The following XIRP2 variants were observed in gnomAD, a reference collection of about 807,000 sequenced individuals.
XIRP2 encodes xin actin-binding repeat-containing protein 2.
In XIRP2, 236 loss-of-function variants were observed where a neutral mutation model predicts 277.0. The observed-to-expected ratio is 0.85, with a 90% CI of 0.77 to 0.95. The LOEUF (loss-of-function observed/expected upper bound fraction) is 0.95. Among genes scored for constraint, XIRP2 ranks in the 40% least tolerant of loss-of-function variants. The pLI, the probability that XIRP2 is intolerant of heterozygous loss-of-function variation, is 0.00. For synonymous variants in XIRP2, 1,490 were observed against 1,416.5 expected (o/e 1.05, Z -1.17); for missense variants, 4,640 against 4,157.5 (o/e 1.12, Z -3.19).
intron 5 of XIRP2, among the ~76,000 whole-genome samples, chr2:167,230,956 A>T (rs1032187095): frequency 3.3e-5 from 5 of 152,072 alleles, no homozygotes; most frequent in Non-Finnish European, 7.4e-5. Flanking sequence ...CAGTCCTACC[A>T]CGCCAATCTC....
intron 2 of XIRP2, among the ~76,000 whole-genome samples, chr2:167,125,425 A>T (rs1691173432): frequency 6.6e-6 from 1 of 152,196 alleles, no homozygotes; most frequent in South Asian, 2.1e-4. Context: ...TGCAGAAGTT[A>T]AAAATACCAG....
intron 1 of XIRP2, among the ~76,000 whole-genome samples, chr2:166,901,901 A>G (rs1412137626): frequency 1.3e-5 from 2 of 151,986 alleles, no homozygotes; most frequent in African/African-American, 4.8e-5. Context: ...TCTTCCAAGC[A>G]CTCGCATCTA....
chr2:166,955,752 C>T (rs760400895), intron 2 of XIRP2, among the ~76,000 whole-genome samples: 8 of 151,306 alleles, frequency 5.3e-5, no homozygotes, highest in Non-Finnish European at 8.9e-5. Flanking sequence ...CTTTGTGCTT[C>T]GAATATTTTG....
chr2:167,000,117 AGT>A (rs767172229), intron 2 of XIRP2, among the ~76,000 whole-genome samples: 2 of 152,164 alleles, frequency 1.3e-5, no homozygotes, highest in Non-Finnish European at 2.9e-5. Context: ...TAAATATGGA[AGT>A]GTTTCAGTTA....
At chr2:167,095,758 ATTGGCCTGAAATTTCCTT>A (rs1179748343) in intron 2 of XIRP2, among the ~76,000 whole-genome samples, 1 of 138,386 alleles carries the variant, frequency 7.2e-6, no homozygotes, top group Non-Finnish European at 1.5e-5. Context: ...TCACCAGCAT[ATTGGCCTGAAATTTCCTT>A]TTTTGTTGTG....
intron 3 of XIRP2, among the ~76,000 whole-genome samples, chr2:167,190,064 G>A (rs1282463962): frequency 6.6e-6 from 1 of 152,194 alleles, no homozygotes; most frequent in Admixed American, 6.5e-5. Flanking sequence ...CAGACAGATG[G>A]AAGAGATGCA....
chr2:167,049,566 G>T (rs1161349182), intron 2 of XIRP2, among the ~76,000 whole-genome samples: 1 of 150,808 alleles, frequency 6.6e-6, no homozygotes, highest in African/African-American at 2.4e-5. Flanking sequence ...CCTCAGTTCA[G>T]AATCTATTGA....
intron 2 of XIRP2, among the ~76,000 whole-genome samples, chr2:166,962,994 C>G (rs553891777): frequency 6.6e-6 from 1 of 151,546 alleles, no homozygotes; most frequent in African/African-American, 2.4e-5. Context: ...TTTCAAATAG[C>G]TAGGAGGAGG....
chr2:167,034,533 T>C (rs907441177), intron 2 of XIRP2, among the ~76,000 whole-genome samples: 1 of 150,438 alleles, frequency 6.6e-6, no homozygotes, highest in South Asian at 2.1e-4. Flanking sequence ...AGTGATTTGT[T>C]GCCTTCAAGA....
At chr2:167,126,129 G>C (rs534450893) in intron 2 of XIRP2, among the ~76,000 whole-genome samples, 13 of 151,992 alleles carry the variant, frequency 8.6e-5, no homozygotes, top group Non-Finnish European at 1.6e-4. Flanking sequence ...AAGCTGCAAG[G>C]CTTCTTTCTT....
intron 2 of XIRP2, among the ~76,000 whole-genome samples, chr2:166,945,450 T>A (rs1574103576): frequency 6.6e-6 from 1 of 151,828 alleles, no homozygotes; most frequent in South Asian, 2.1e-4. Context: ...CTGTAAAAAG[T>A]AAATTGGCTC....
At chr2:167,000,848 T>A (rs1687347528) in intron 2 of XIRP2, among the ~76,000 whole-genome samples, 1 of 152,114 alleles carries the variant, frequency 6.6e-6, no homozygotes, top group South Asian at 2.1e-4. Flanking sequence ...CCTTCCCATA[T>A]CTTATTCAAA....
At position 166,970,280 on chromosome 2, in the gene XIRP2, G is replaced by C. The variant is rs534050745; in HGVS notation, c.408+66390G>C. ...TAAAATGATTTGACTTGCCATTTAG[G>C]AATGGGTTTTAACACAGTATTTCTT... On this transcript the variant is annotated intron_variant, in intron 2 of 10. Transcript: ENST00000409195. Among the ~76,000 whole-genome samples, 16 of 152,074 alleles carry C rather than the reference G, an allele frequency of 1.1e-4. No homozygotes were observed. The South Asian group carries it at 2.9e-3, about 28-fold the overall frequency.
At chr2:167,141,075 C>A (rs143268688) in intron 3 of XIRP2, 1 of 152,088 alleles carries the variant, frequency 6.6e-6, no homozygotes, top group Admixed American at 6.6e-5. Flanking sequence ...TGAGCTTGCA[C>A]GCGGTCATAT....
At chr2:167,162,455 G>A (rs1692398978) in intron 3 of XIRP2, among the ~76,000 whole-genome samples, 2 of 152,168 alleles carry the variant, frequency 1.3e-5, no homozygotes, top group Admixed American at 6.5e-5. Context: ...ATCACACTGT[G>A]AGGGGCAAGA....
chr2:167,026,993 C>G (rs1439644688), intron 2 of XIRP2, among the ~76,000 whole-genome samples: 1 of 151,968 alleles, frequency 6.6e-6, no homozygotes, highest in Non-Finnish European at 1.5e-5. Flanking sequence ...TGGTGTTGCT[C>G]TTCTTGAGGA....
At chr2:167,014,306 GAGA>G (rs1260973247) in intron 2 of XIRP2, among the ~76,000 whole-genome samples, 2 of 151,424 alleles carry the variant, frequency 1.3e-5, no homozygotes, top group Non-Finnish European at 3.0e-5. Flanking sequence ...AGCCTAAACT[GAGA>G]AGAAGAAGAT....
intron 2 of XIRP2, among the ~76,000 whole-genome samples, chr2:167,131,714 A>C (rs1691383033): frequency 6.6e-6 from 1 of 151,968 alleles, no homozygotes; most frequent in Non-Finnish European, 1.5e-5. Context: ...TCTCCATCAC[A>C]CTTTATATAC....
At chr2:166,947,748 C>T (rs1184975585) in intron 2 of XIRP2, among the ~76,000 whole-genome samples, 3 of 152,138 alleles carry the variant, frequency 2.0e-5, no homozygotes, top group Non-Finnish European at 2.9e-5. Flanking sequence ...AGGACTTGGG[C>T]TCCTTGGTAT....
Sources: allele counts gnomAD v4.1 joint callset (sites outside exome capture counted in the v4.1 genomes callset), GRCh38; gene constraint gnomAD v4.1.1; transcripts MANE v1.5; gene names NCBI Gene and HGNC (gene_info 2026-07-23, HGNC 2026-07-21).